The following FER variants were observed in gnomAD, a reference collection of about 807,000 sequenced individuals.
FER encodes FER tyrosine kinase.
FER carries 63 observed loss-of-function variants against 111.0 expected under a neutral mutation model. The ratio of observed to expected loss-of-function variants is 0.57; its 90% CI spans 0.46 to 0.70. The LOEUF is 0.70. Among genes scored for constraint, FER ranks in the 30% least tolerant of loss-of-function variants. The pLI is 0.00. For synonymous variants in FER, 327 were observed against 313.9 expected (o/e 1.04, Z -0.44); for missense variants, 914 against 954.0 (o/e 0.96, Z 0.55).
chr5:108,799,668 G>T (rs893005394), intron 3 of FER, among the ~76,000 whole-genome samples: 5 of 152,018 alleles, frequency 3.3e-5, no homozygotes, highest in Non-Finnish European at 5.9e-5. Flanking sequence ...ATTTTATTTG[G>T]CAATTTCATC....
intron 12 of FER, among the ~76,000 whole-genome samples, chr5:108,956,542 A>G (rs1758452092): frequency 6.6e-6 from 1 of 151,656 alleles, no homozygotes; most frequent in Non-Finnish European, 1.5e-5. Flanking sequence ...TTAAGTGGCT[A>G]AAATGAGCAA....
At chr5:109,161,381 A>G (rs1044119789) in intron 17 of FER, among the ~76,000 whole-genome samples, 4 of 152,056 alleles carry the variant, frequency 2.6e-5, no homozygotes, top group African/African-American at 9.7e-5. Flanking sequence ...AGTACCCACT[A>G]GACTTACTGG....
chr5:108,763,448 G>T (rs1751982546), intron 1 of FER, among the ~76,000 whole-genome samples: 1 of 152,178 alleles, frequency 6.6e-6, no homozygotes, highest in African/African-American at 2.4e-5. Flanking sequence ...GAGGAGCCTT[G>T]AAATGAGGAG....
In FER at chr5:108,903,261, T is replaced by C. The variant is rs373505008; in HGVS notation, c.1236+5413T>C. ...CCTTTTGCTAGACCAACACACAACA[T>C]AGATTTTTCTTCTCTGCACATGTTA... On this transcript the variant is annotated intron_variant, in intron 10 of 19. Coordinates refer to ENST00000281092, the MANE Select transcript of FER (RefSeq NM_005246.4). 2.0e-5 allele frequency among the ~76,000 whole-genome samples: 3 copies of C among 152,248 alleles called. No homozygotes were observed. The East Asian group carries it at 5.8e-4, about 29-fold the overall frequency.
chr5:109,095,388 C>G (rs976173274), intron 16 of FER, among the ~76,000 whole-genome samples: 2 of 152,032 alleles, frequency 1.3e-5, no homozygotes, highest in Non-Finnish European at 2.9e-5. Flanking sequence ...TCTTTTCAGA[C>G]CTAATGTTTC....
intron 5 of FER, among the ~76,000 whole-genome samples, chr5:108,843,271 T>G (rs1043979246): frequency 5.9e-5 from 9 of 152,210 alleles, no homozygotes; most frequent in African/African-American, 1.9e-4. Context: ...CTGAGTAGTA[T>G]TCCATCATCT....
intron 3 of FER, among the ~76,000 whole-genome samples, chr5:108,822,529 A>G (rs958140579): frequency 1.3e-5 from 2 of 152,048 alleles, no homozygotes; most frequent in Admixed American, 6.6e-5. Flanking sequence ...CTTTATAGCA[A>G]TCCACTTTTG....
At chr5:109,070,606 T>C (rs2149993127) in intron 16 of FER, among the ~76,000 whole-genome samples, 1 of 152,076 alleles carries the variant, frequency 6.6e-6, no homozygotes, top group South Asian at 2.1e-4. Context: ...AATTGCGAGG[T>C]GGACCTGTTG....
intron 2 of FER, among the ~76,000 whole-genome samples, chr5:108,794,211 CT>C (rs1051893886): frequency 2.9e-4 from 42 of 143,700 alleles, no homozygotes; most frequent in African/African-American, 8.4e-4. Flanking sequence ...TTAGCATTTC[CT>C]TTTTTTTTTC....
chr5:109,032,484 C>T (rs1472045972), intron 13 of FER, among the ~76,000 whole-genome samples: 1 of 152,078 alleles, frequency 6.6e-6, no homozygotes, highest in African/African-American at 2.4e-5. Flanking sequence ...CTACTACTTG[C>T]ATTTGAATCC....
intron 5 of FER, among the ~76,000 whole-genome samples, chr5:108,855,410 A>T (rs1459160298): frequency 6.6e-6 from 1 of 152,092 alleles, no homozygotes; most frequent in African/African-American, 2.4e-5. Flanking sequence ...AGGCGGGCAG[A>T]TGACAAGGTC....
At chr5:108,872,041 T>C in intron 7 of FER, 52 bp from the exon 8 acceptor site, 1 of 1,548,556 alleles carries the variant, frequency 6.5e-7, no homozygotes, top group Non-Finnish European at 8.7e-7. Flanking sequence ...TATGAAGATA[T>C]ATTATGATAC....
Position 108,918,490 on chromosome 5 carries a change from C to CT in FER, c.1236+20656dup, listed in dbSNP as rs977392132. On this transcript the variant is annotated intron_variant, in intron 10 of 19. Transcript: ENST00000281092. ...GTAGTGGACTGGGTGTGTGTTTTTT[C>CT]TTTTTTTTTTTTTTGAGATGGAGTC... Among the ~76,000 whole-genome samples, 594 of 135,852 alleles carry CT rather than the reference C, an allele frequency of 4.4e-3. 2 individuals carry two copies. The highest frequency in any genetic ancestry group is 0.01 in the African/African-American group (388 of 37,340). The allele number at this position is 135,852 out of a possible 152,430, so 89.1% of individuals were successfully genotyped here. A position where few individuals can be genotyped will look rare whatever the true frequency, so the allele number is the denominator to read the frequency against.
chr5:109,065,100 A>G (rs1774921485), intron 16 of FER, among the ~76,000 whole-genome samples: 1 of 152,176 alleles, frequency 6.6e-6, no homozygotes, highest in South Asian at 2.1e-4. Flanking sequence ...GCTTGTTTTT[A>G]CAAATAGGTT....
intron 1 of FER, among the ~76,000 whole-genome samples, chr5:108,767,227 C>G (rs1452725223): frequency 6.6e-6 from 1 of 152,062 alleles, no homozygotes; most frequent in African/African-American, 2.4e-5. Context: ...TCACTTGAAC[C>G]CAGGAGGTGG....
chr5:108,867,914 C>A lies in FER; in HGVS notation c.629C>A (p.Ser210Tyr). 6.2e-7 allele frequency: 1 copy of A among 1,609,888 alleles called. No individual in the cohort carries two copies. The highest frequency in any genetic ancestry group is 8.5e-7 in the Non-Finnish European group (1 of 1,178,702). The change falls in exon 6 of 20, where the codon TCC becomes TAC. Residue 210 changes from serine (S) to tyrosine (Y), a missense_variant. Around this residue, in one of 3 missense-constraint regions of FER, gnomAD observed 774 missense variants for 782.6 expected, o/e 0.99. Transcript: ENST00000281092. ...ATCACACTTCCCCTGCTTCTGGACTCCTTACAAAAGATGCAAGAAGAAATG... is the reference window on the plus strand; with the variant it reads ...ATCACACTTCCCCTGCTTCTGGACTACTTACAAAAGATGCAAGAAGAAATG... ...YDITLPLLLD[S>Y]LQKMQEEMIK...
chr5:108,860,247 A>T (rs1036657200), intron 5 of FER, among the ~76,000 whole-genome samples: 11 of 150,790 alleles, frequency 7.3e-5, no homozygotes, highest in Admixed American at 3.9e-4. Context: ...GGCCATACCT[A>T]TTTTTGTTTT....
chr5:109,013,458 T>C (rs1451613961), intron 13 of FER, among the ~76,000 whole-genome samples: 1 of 151,676 alleles, frequency 6.6e-6, no homozygotes, highest in Non-Finnish European at 1.5e-5. Flanking sequence ...ATGTGCCACA[T>C]TTTCTTAATC....
At chr5:108,812,039 T>G (rs931036132) in intron 3 of FER, among the ~76,000 whole-genome samples, 1 of 152,194 alleles carries the variant, frequency 6.6e-6, no homozygotes, top group African/African-American at 2.4e-5. Context: ...TTTGAGTCAG[T>G]CAAGTTGACA....
Sources: gnomAD v4.1 joint callset for allele counts (sites outside exome capture counted in the v4.1 genomes callset) on GRCh38, gnomAD v4.1.1 for gene constraint, gnomAD v4.1.1 regional missense constraint, MANE v1.5 for transcripts, NCBI Gene and HGNC (gene_info 2026-07-23, HGNC 2026-07-21) for gene names.